Variants in DNAJC12 observed in about 807,000 individuals in gnomAD.
DNAJC12 encodes DnaJ heat shock protein family (Hsp40) member C12.
In DNAJC12, 25 loss-of-function variants were observed where a neutral mutation model predicts 28.5. The observed-to-expected ratio is 0.88, with a 90% CI of 0.64 to 1.22. The LOEUF (loss-of-function observed/expected upper bound fraction) is 1.22, where lower values mean the gene tolerates loss of function less well. DNAJC12 is among the 50% of genes most tolerant of loss of function. The pLI is 0.00. For synonymous variants in DNAJC12, 77 were observed against 80.6 expected (o/e 0.95, Z 0.24); for missense variants, 222 against 231.7 (o/e 0.96, Z 0.27).
intron 4 of DNAJC12, among the ~76,000 whole-genome samples, chr10:67,799,747 G>A (rs1841719901): frequency 6.6e-6 from 1 of 152,042 alleles, no homozygotes; most frequent in Non-Finnish European, 1.5e-5. Context: ...GCTGGGCGTG[G>A]TAGCACACGC....
intron 1 of DNAJC12, among the ~76,000 whole-genome samples, chr10:67,832,816 C>T (rs1252050832): frequency 1.3e-5 from 2 of 152,248 alleles, no homozygotes; most frequent in East Asian, 3.9e-4. Context: ...AATAACCCTA[C>T]CTTGGAAAAA....
chr10:67,833,867 AG>A (rs929937765), intron 1 of DNAJC12: 43 of 485,072 alleles, frequency 8.9e-5, no homozygotes, highest in African/African-American at 8.3e-4. Context: ...AAGTAAAGCA[AG>A]TTTTTCAAAG....
intron 1 of DNAJC12, among the ~76,000 whole-genome samples, chr10:67,829,286 T>C (rs1842068847): frequency 6.6e-6 from 1 of 152,088 alleles, no homozygotes; most frequent in Non-Finnish European, 1.5e-5. Flanking sequence ...AAACTCTTAG[T>C]CTGTAGGAGA....
intron 1 of DNAJC12, among the ~76,000 whole-genome samples, chr10:67,832,731 G>A (rs1842106377): frequency 1.3e-5 from 2 of 152,178 alleles, no homozygotes; most frequent in Admixed American, 1.3e-4. Context: ...AACTTAGTGA[G>A]TAAAAGTTTG....
intron 2 of DNAJC12, among the ~76,000 whole-genome samples, chr10:67,815,508 CAAAAAAAAA>C (rs762037586): frequency 1.5e-5 from 1 of 65,792 alleles, no homozygotes; most frequent in South Asian, 6.1e-4. Context: ...TACTTCGTCT[CAAAAAAAAA>C]AAAAAAAAAA....
Position 67,835,916 on chromosome 10 carries a change from T to C in DNAJC12, c.78+2018A>G, listed in dbSNP as rs146037423. 4.7e-3 allele frequency among the ~76,000 whole-genome samples: 718 copies of C among 152,234 alleles called. 7 individuals are homozygous for C. Among genetic ancestry groups the C allele is most frequent in the Non-Finnish European group, 6.1e-3 (415 of 68,020 alleles). On this transcript the variant is annotated intron_variant, in intron 1 of 4. Transcript: ENST00000225171. ...GTAACCATATTTTGAATATTACACA[T>C]TAACAACGAGATTATTTTCTGTAAG...
Position 67,796,793 on chromosome 10 carries a change from T to C in DNAJC12, c.*323A>G. 5.8e-6 allele frequency: 1 copy of C among 173,670 alleles called. No individual in the cohort carries two copies. The highest frequency in any genetic ancestry group is 1.2e-5 in the Non-Finnish European group (1 of 82,638). 10.8% of individuals were successfully genotyped at this position (173,670 alleles called of 1,614,324 possible). On this transcript the variant is annotated 3_prime_UTR_variant, in exon 5 of 5. Transcript: ENST00000225171. Reference sequence around the variant, plus strand: ...CATCACTAATAGAGATCACAGTATGTCAATGAAATATTTAAATACACTGTA... The same window carrying C: ...CATCACTAATAGAGATCACAGTATGCCAATGAAATATTTAAATACACTGTA...
intron 1 of DNAJC12, among the ~76,000 whole-genome samples, chr10:67,825,959 AT>A (rs1484060859): frequency 1.3e-5 from 2 of 152,190 alleles, no homozygotes; most frequent in Admixed American, 1.3e-4. Flanking sequence ...AGTATTAAAT[AT>A]TCTATACAGT....
intron 1 of DNAJC12, among the ~76,000 whole-genome samples, chr10:67,826,127 A>G (rs1842026723): frequency 7.6e-6 from 1 of 131,618 alleles, no homozygotes; most frequent in Admixed American, 8.6e-5. Context: ...CCTTGAAGAC[A>G]TATCTTTTTT....
intron 3 of DNAJC12, among the ~76,000 whole-genome samples, chr10:67,810,395 C>T (rs149443269): frequency 1.2e-3 from 182 of 152,230 alleles, no homozygotes; most frequent in African/African-American, 4.2e-3. Context: ...AAATGTGGCA[C>T]CCCTGAGGCT....
chr10:67,801,790 CAA>C (rs752473942), intron 4 of DNAJC12, among the ~76,000 whole-genome samples: 8 of 52,840 alleles, frequency 1.5e-4, no homozygotes, highest in Admixed American at 4.7e-4. Context: ...AACTCTGTTT[CAA>C]AAAAAAAAAA....
At chr10:67,798,827 G>T (rs1021186680) in intron 4 of DNAJC12, among the ~76,000 whole-genome samples, 18 of 149,048 alleles carry the variant, frequency 1.2e-4, no homozygotes, top group Non-Finnish European at 3.0e-5. Flanking sequence ...GTGCAATGGC[G>T]CGATCTCAGC....
At chr10:67,805,224 G>A (rs1052153474) in intron 4 of DNAJC12, among the ~76,000 whole-genome samples, 3 of 151,880 alleles carry the variant, frequency 2.0e-5, no homozygotes, top group Non-Finnish European at 2.9e-5. Context: ...GAATAATATT[G>A]ATATCAGCCT....
At chr10:67,834,249 G>T (rs776223490) in intron 1 of DNAJC12, among the ~76,000 whole-genome samples, 9 of 152,032 alleles carry the variant, frequency 5.9e-5, no homozygotes, top group Non-Finnish European at 1.2e-4. Context: ...TGGGTTAAGG[G>T]TATATAGGAA....
At chr10:67,822,208 T>A (rs183523331) in intron 2 of DNAJC12, among the ~76,000 whole-genome samples, 2 of 151,254 alleles carry the variant, frequency 1.3e-5, no homozygotes, top group Admixed American at 1.3e-4. Flanking sequence ...AACAGAAGAG[T>A]CACAAAGGAG....
chr10:67,805,637 T>A lies in DNAJC12; in HGVS notation c.448A>T (p.Lys150Ter). 6.2e-7 allele frequency: 1 copy of A among 1,613,702 alleles called. No homozygotes were observed. Among genetic ancestry groups the A allele is most frequent in the Non-Finnish European group, 8.5e-7 (1 of 1,179,850 alleles). ...GACTTCTCTAGGGGCTTGGGTTCTT[T>A]CTGCTCCGTTTTCTCTGCGGTTGAA... ...LASTAEKTEQ[K>*]EPKPLEKSVS... is the part of the protein sequence containing the mutation. Residue 150 changes from lysine to a stop codon, truncating the protein, a stop_gained, in exon 4 of 5, where the codon AAA (lysine) becomes TAA (stop). Coordinates refer to ENST00000225171, the MANE Select transcript of DNAJC12 (RefSeq NM_021800.3). LOFTEE classifies it high-confidence loss of function.
At chr10:67,798,539 G>A (rs1004734921) in intron 4 of DNAJC12, among the ~76,000 whole-genome samples, 1 of 151,870 alleles carries the variant, frequency 6.6e-6, no homozygotes, top group African/African-American at 2.4e-5. Flanking sequence ...AAAATTAGGC[G>A]GGCGTGGTGG....
chr10:67,823,208 A>C, intron 2 of DNAJC12, 106 bp downstream of exon 2: 1 of 877,884 alleles, frequency 1.1e-6, no homozygotes, highest in Middle Eastern at 2.3e-4. Context: ...AATACGGTTG[A>C]GCATAATAGA....
At chr10:67,819,731 GAA>G (rs370244353) in intron 2 of DNAJC12, among the ~76,000 whole-genome samples, 1 of 21,028 alleles carries the variant, frequency 4.8e-5, no homozygotes, top group Non-Finnish European at 9.0e-5. Context: ...AGGAAGGAAG[GAA>G]GGAAGGAAGG....
Sources: allele counts gnomAD v4.1 joint callset (sites outside exome capture counted in the v4.1 genomes callset), GRCh38; gene constraint gnomAD v4.1.1; transcripts MANE v1.5; gene names NCBI Gene and HGNC (gene_info 2026-07-23, HGNC 2026-07-21).